The following MACROD2 variants were observed in gnomAD, a reference collection of about 807,000 sequenced individuals.
MACROD2 encodes ADP-ribose glycohydrolase MACROD2.
In MACROD2, 36 loss-of-function variants were observed where a neutral mutation model predicts 70.4. That is an observed-to-expected ratio of 0.51 (90% CI 0.39 to 0.68). The LOEUF is 0.68. Among genes scored for constraint, MACROD2 ranks in the 30% least tolerant of loss-of-function variants. The pLI is 0.00. For missense variants in MACROD2, 496 were observed against 538.4 expected (o/e 0.92, Z 0.78); for synonymous variants, 172 against 178.8 (o/e 0.96, Z 0.30).
chr20:14,862,954 C>T (rs1163540544), intron 5 of MACROD2, among the ~76,000 whole-genome samples: 1 of 151,298 alleles, frequency 6.6e-6, no homozygotes, highest in East Asian at 2.0e-4. Context: ...ATGTGGATGC[C>T]ACGGCTTCCT....
At chr20:15,382,841 G>A (rs539274415) in intron 6 of MACROD2, among the ~76,000 whole-genome samples, 1 of 152,214 alleles carries the variant, frequency 6.6e-6, no homozygotes, top group South Asian at 2.1e-4. Flanking sequence ...TCTAGAGGAG[G>A]GAGACAGAAA....
intron 8 of MACROD2, among the ~76,000 whole-genome samples, chr20:15,841,099 A>T (rs1166179109): frequency 6.6e-6 from 1 of 152,130 alleles, no homozygotes; most frequent in Non-Finnish European, 1.5e-5. Flanking sequence ...TCCTGGTGAG[A>T]TGGAATGTCT....
intron 8 of MACROD2, among the ~76,000 whole-genome samples, chr20:15,809,143 C>A (rs760116105): frequency 1.3e-5 from 2 of 152,132 alleles, no homozygotes; most frequent in Non-Finnish European, 2.9e-5. Flanking sequence ...TTTATCCCTC[C>A]CACTTCTACC....
intron 1 of MACROD2, among the ~76,000 whole-genome samples, chr20:13,999,687 C>T (rs551162112): frequency 1.3e-5 from 2 of 152,226 alleles, no homozygotes; most frequent in Admixed American, 6.5e-5. Flanking sequence ...CTACTTACCT[C>T]GAAGGGAAAC....
At chr20:15,555,760 C>T (rs974988681) in intron 8 of MACROD2, among the ~76,000 whole-genome samples, 20 of 127,370 alleles carry the variant, frequency 1.6e-4, no homozygotes, top group Admixed American at 1.1e-3. Flanking sequence ...ACCTGGAAGG[C>T]GGAGGTTGCA....
chr20:14,292,046 C>A (rs774033437), intron 3 of MACROD2, among the ~76,000 whole-genome samples: 1 of 151,874 alleles, frequency 6.6e-6, no homozygotes, highest in Non-Finnish European at 1.5e-5. Context: ...CTGTGAAGCA[C>A]GAATAGCATC....
At chr20:14,794,911 A>G (rs933668084) in intron 5 of MACROD2, among the ~76,000 whole-genome samples, 2 of 152,138 alleles carry the variant, frequency 1.3e-5, no homozygotes, top group Admixed American at 1.3e-4. Flanking sequence ...GTGTGTTTGT[A>G]TAAGTAGCCA....
chr20:14,227,694 G>A (rs2081755456), intron 3 of MACROD2, among the ~76,000 whole-genome samples: 1 of 152,196 alleles, frequency 6.6e-6, no homozygotes, highest in African/African-American at 2.4e-5. Context: ...CACCAATTCC[G>A]GATACACTGG....
intron 6 of MACROD2, among the ~76,000 whole-genome samples, chr20:15,343,857 A>T (rs1035757689): frequency 3.3e-5 from 5 of 152,130 alleles, no homozygotes; most frequent in African/African-American, 1.2e-4. Flanking sequence ...ACACTCCAAG[A>T]TTGATTTCTG....
chr20:13,995,943 C>T lies in MACROD2; in HGVS notation c.46+134C>T, dbSNP rs2052634611. On this transcript the variant is annotated intron_variant, in intron 1 of 17. Transcript: ENST00000684519. The surrounding 1 kb of genome is among the most constrained non-coding windows in gnomAD (Gnocchi z 4.3). ...CCTCCCGGCCGGTGCCGCCTCCCTC[C>T]GGTGTCCGTGTGTACACACGCGCAC... 4.8e-6 allele frequency: 5 copies of T among 1,046,548 alleles called. No homozygotes were observed. Among genetic ancestry groups the T allele is most frequent in the African/African-American group, 3.2e-5 (2 of 62,942 alleles). 64.8% of individuals were successfully genotyped at this position (1,046,548 alleles called of 1,614,324 possible). A position where few individuals can be genotyped will look rare whatever the true frequency, so the allele number is the denominator to read the frequency against.
chr20:14,361,112 A>G (rs1483020838), intron 3 of MACROD2, among the ~76,000 whole-genome samples: 2 of 152,156 alleles, frequency 1.3e-5, no homozygotes, highest in Non-Finnish European at 2.9e-5. Flanking sequence ...CTACTTATGT[A>G]CTTATGTGCC....
chr20:15,594,665 T>C (rs779595966), intron 8 of MACROD2, among the ~76,000 whole-genome samples: 2 of 152,236 alleles, frequency 1.3e-5, no homozygotes, highest in Admixed American at 6.5e-5. Context: ...TGATACCTTT[T>C]ATGGAATGTT....
intron 6 of MACROD2, among the ~76,000 whole-genome samples, chr20:15,290,555 A>G (rs2077532496): frequency 6.6e-6 from 1 of 152,252 alleles, no homozygotes; most frequent in Non-Finnish European, 1.5e-5. Context: ...TTATGGATCC[A>G]TAATTTGCAT....
intron 4 of MACROD2, among the ~76,000 whole-genome samples, chr20:14,648,961 G>A (rs895639937): frequency 1.3e-5 from 2 of 152,096 alleles, no homozygotes; most frequent in Non-Finnish European, 2.9e-5. Flanking sequence ...TCTCCTTCAA[G>A]TGCTACGTGC....
chr20:15,948,382 CAAAAAAAAAAAAAAAA>C (rs71192307), intron 12 of MACROD2, among the ~76,000 whole-genome samples: 1 of 43,128 alleles, frequency 2.3e-5, no homozygotes, highest in Admixed American at 3.8e-4. Context: ...CTTGCAACTG[CAAAAAAAAAAAAAAAA>C]AAAAAAAAAA....
intron 3 of MACROD2, among the ~76,000 whole-genome samples, chr20:14,259,528 A>G (rs1463110718): frequency 1.3e-5 from 2 of 152,180 alleles, no homozygotes; most frequent in Non-Finnish European, 2.9e-5. Flanking sequence ...TTTAGTTTCA[A>G]TGTAACTGGT....
At chr20:14,520,391 T>C (rs2085153370) in intron 4 of MACROD2, among the ~76,000 whole-genome samples, 1 of 152,148 alleles carries the variant, frequency 6.6e-6, no homozygotes, top group African/African-American at 2.4e-5. Flanking sequence ...TTCTTTACTC[T>C]GATTTATTTC....
intron 3 of MACROD2, among the ~76,000 whole-genome samples, chr20:14,296,917 G>A (rs2122472246): frequency 6.6e-6 from 1 of 152,012 alleles, no homozygotes; most frequent in East Asian, 1.9e-4. Context: ...CATCAAGTAA[G>A]TCTATTGGTG....
At chr20:14,533,166 C>A (rs1232790924) in intron 4 of MACROD2, among the ~76,000 whole-genome samples, 1 of 152,212 alleles carries the variant, frequency 6.6e-6, no homozygotes, top group Non-Finnish European at 1.5e-5. Flanking sequence ...TCTACTTTAA[C>A]CTTATAAGGA....
Sources: allele counts gnomAD v4.1 joint callset (sites outside exome capture counted in the v4.1 genomes callset), GRCh38; gene constraint gnomAD v4.1.1; non-coding constraint Gnocchi (gnomAD v3.1); transcripts MANE v1.5; gene names NCBI Gene and HGNC (gene_info 2026-07-23, HGNC 2026-07-21).